Variants in MYO19 observed in about 807,000 individuals in gnomAD.
MYO19 encodes unconventional myosin-XIX.
A neutral mutation model predicts 129.2 loss-of-function variants in MYO19; 132 were observed. That is an observed-to-expected ratio of 1.02 (90% confidence interval 0.89 to 1.18). The LOEUF is 1.18. Among genes scored for constraint, MYO19 ranks in the 50% most tolerant of loss-of-function variants. The pLI is 0.00. For synonymous variants in MYO19, 531 were observed against 477.2 expected, an observed-to-expected ratio of 1.11 and a Z score of -1.47; for missense variants, 1,210 against 1,216.7, an observed-to-expected ratio of 0.99 and a Z score of 0.08.
At chr17:36,520,128 C>A (rs770578763) in intron 6 of MYO19, among the ~76,000 whole-genome samples, 1 of 152,034 alleles carries the variant, frequency 6.6e-6, no homozygotes. Context: ...GCACCTACCA[C>A]CATGCCCTGC....
Position 36,507,061 on chromosome 17 carries a change from G to A in MYO19, c.1546C>T (p.Leu516=). The A allele has an allele frequency of 6.2e-7, 1 of 1,613,684 alleles. No individual in the cohort carries two copies. The highest frequency in any genetic ancestry group is 8.5e-7 in the Non-Finnish European group (1 of 1,179,688). ...IETALAGSPC[L]GHNKLSREPS... is the part of the protein sequence containing the mutation. ...TCCCGGCTGAGCTTATTGTGGCCCA[G>A]GCAGGGGCTGCCTGCCAGGGCAGTC... The change falls in exon 17 of 26, where the codon CTG becomes TTG. Residue 516 remains leucine, a synonymous_variant. Coordinates refer to ENST00000614623, the MANE Select transcript of MYO19 (RefSeq NM_001163735.2).
chr17:36,541,196 C>T (rs1423940435), intron 2 of MYO19, among the ~76,000 whole-genome samples: 4 of 151,876 alleles, frequency 2.6e-5, no homozygotes, highest in African/African-American at 4.8e-5. Flanking sequence ...CCGCCTGCCT[C>T]GGCCTCCCAA....
Position 36,496,401 on chromosome 17 carries a change from C to T in MYO19, c.2763G>A (p.Ser921=), listed in dbSNP as rs760818047. ...VTSIRALPQG[S]IKFHCRKSPL... ...GAGACTTTCTGCAGTGAAACTTTATCGATCCCTAGAGGGGAGAGAGAGATG... is the reference window on the plus strand; with the variant it reads ...GAGACTTTCTGCAGTGAAACTTTATTGATCCCTAGAGGGGAGAGAGAGATG... The change falls in exon 26 of 26, where the codon TCG becomes TCA. Residue 921 remains serine, a synonymous_variant. Coordinates refer to ENST00000614623, the MANE Select transcript of MYO19 (RefSeq NM_001163735.2). 6.2e-6 allele frequency: 10 copies of T among 1,613,732 alleles called. No homozygotes were observed. The highest frequency in any genetic ancestry group is 1.6e-4 in the Middle Eastern group (1 of 6,082).
Position 36,496,138 on chromosome 17 carries a change from G to A in MYO19, c.*113C>T. 1 of 1,407,862 alleles carries A rather than the reference G, an allele frequency of 7.1e-7. No individual in the cohort carries two copies. The highest frequency in any genetic ancestry group is 9.8e-7 in the Non-Finnish European group (1 of 1,017,516). The allele number at this position is 1,407,862 out of a possible 1,614,324, so 87.2% of individuals were successfully genotyped here. On this transcript the variant is annotated 3_prime_UTR_variant, in exon 26 of 26. Transcript: ENST00000614623. The stretch of plus-strand genomic sequence containing the variant: ...GTCGAAGGCTGGAGCCGTCACTGTT[G>A]TTCATGTGCATTTGGAGCACTGTGG...
rs192035813 is a variant in MYO19 at position 36,529,724 on chromosome 17, A to G, written c.13-1522T>C. Among the ~76,000 whole-genome samples, 294 of 152,218 alleles carry G rather than the reference A, an allele frequency of 1.9e-3. 1 individual carries two copies. Among genetic ancestry groups the G allele is most frequent in the Admixed American group, 7.1e-3 (109 of 15,280 alleles). On this transcript the variant is annotated intron_variant, in intron 3 of 25. Coordinates refer to ENST00000614623, the MANE Select transcript of MYO19 (RefSeq NM_001163735.2). ...TTATGAAGGGGAAAAAAAAACCACC[A>G]CTACACAAACCATTCACAAACACAG... is the stretch of plus-strand genomic sequence containing the variant.
At position 36,501,078 on chromosome 17, in the gene MYO19, A is replaced by C. The variant is rs766485224; in HGVS notation, c.2238T>G (p.Thr746=). The C allele has an allele frequency of 3.1e-6, 5 of 1,611,988 alleles. No individual in the cohort carries two copies. In the South Asian group the frequency reaches 3.3e-5, roughly 11 times the overall value. Residue 746 remains threonine, a synonymous_variant, in exon 22 of 26, where the codon ACT becomes ACG. Coordinates refer to ENST00000614623, the MANE Select transcript of MYO19 (RefSeq NM_001163735.2). ...MHCGRTKVFM[T]DSMLELLECG... is the part of the protein sequence containing the mutation. Reference sequence around the variant, plus strand: ...CCCCAAACCAGCTCACCATAGAGTCAGTCATGAACACCTTGGTCCTGCCAC... The same window carrying C: ...CCCCAAACCAGCTCACCATAGAGTCCGTCATGAACACCTTGGTCCTGCCAC...
At chr17:36,538,302 CT>C (rs1360605739), upstream of MYO19, 3 of 1,613,250 alleles carry the variant, frequency 1.9e-6, no homozygotes, top group Non-Finnish European at 2.5e-6. Context: ...TGCCAAATTT[CT>C]AATTAAAGGA....
chr17:36,534,198 C>T (rs932541336), intron 1 of MYO19, 94 bp from the exon 2 acceptor site: 1 of 152,366 alleles, frequency 6.6e-6, no homozygotes, highest in African/African-American at 2.4e-5. Flanking sequence ...CAGACTGTTT[C>T]TTTCTAGGCA....
upstream of MYO19, among the ~76,000 whole-genome samples, chr17:36,536,597 C>T (rs1337805691): frequency 6.8e-6 from 1 of 145,998 alleles, no homozygotes; most frequent in South Asian, 2.2e-4. Context: ...TCACTCCAAC[C>T]TCTGCTTCCC....
intron 1 of MYO19, among the ~76,000 whole-genome samples, chr17:36,534,517 T>G (rs1056601836): frequency 1.3e-5 from 2 of 152,062 alleles, no homozygotes; most frequent in Non-Finnish European, 2.9e-5. Flanking sequence ...GGCCGCCCCC[T>G]GCCGGCCAGG....
chr17:36,508,811 A>G (rs2072105734), intron 14 of MYO19: 2 of 518,768 alleles, frequency 3.9e-6, no homozygotes, highest in Non-Finnish European at 6.9e-6. Flanking sequence ...GGGGAGGTAA[A>G]GGGCTCTTTC....
At chr17:36,544,626 G>T (rs2074227008), upstream of MYO19, among the ~76,000 whole-genome samples, 1 of 152,224 alleles carries the variant, frequency 6.6e-6, no homozygotes, top group East Asian at 1.9e-4. Flanking sequence ...TGACGTCGAG[G>T]GGCTTGCCCC....
chr17:36,495,721 T>C lies in MYO19; in HGVS notation c.*530A>G, dbSNP rs112151040. On this transcript the variant is annotated 3_prime_UTR_variant, in exon 26 of 26. Coordinates refer to ENST00000614623, the MANE Select transcript of MYO19 (RefSeq NM_001163735.2). ...ACACTTCATATGGAGTTAAACTTGGTCAGTGTTAATAAAATCAAAACGTGA... is the reference window on the plus strand; with the variant it reads ...ACACTTCATATGGAGTTAAACTTGGCCAGTGTTAATAAAATCAAAACGTGA... 4.0e-6 allele frequency: 5 copies of C among 1,249,908 alleles called. No homozygotes were observed. Among genetic ancestry groups the C allele is most frequent in the Non-Finnish European group, 5.0e-6 (5 of 998,644 alleles). 77.4% of individuals were successfully genotyped at this position (1,249,908 alleles called of 1,614,324 possible).
Position 36,496,381 on chromosome 17 carries a change from T to C in MYO19, c.2783A>G (p.Lys928Arg). 1 of 1,613,996 alleles carries C rather than the reference T, an allele frequency of 6.2e-7. No individual in the cohort carries two copies. Among genetic ancestry groups the C allele is most frequent in the Non-Finnish European group, 8.5e-7 (1 of 1,179,888 alleles). Residue 928 changes from lysine to arginine, a missense_variant, in exon 26 of 26, where the codon AAG becomes AGG. Physicochemically the swap from Lys to Arg is conservative, Grantham distance 26. Transcript: ENST00000614623. ...PQGSIKFHCR[K>R]SPLRYADICP... ...GATGTCAGCATACCGCAGTGGAGAC[T>C]TTCTGCAGTGAAACTTTATCGATCC...
At chr17:36,503,871 G>A in intron 20 of MYO19, 79 bp downstream of exon 20, 1 of 1,197,440 alleles carries the variant, frequency 8.4e-7, no homozygotes, top group Non-Finnish European at 1.1e-6. Context: ...ACTCTGGGTT[G>A]GGCAGGCTCT....
intron 11 of MYO19, among the ~76,000 whole-genome samples, chr17:36,512,178 C>T (rs1296928531): frequency 2.0e-5 from 3 of 147,048 alleles, no homozygotes; most frequent in South Asian, 4.4e-4. Context: ...TGGTGAACCT[C>T]CATCTCTACT....
rs964980110 is a variant in MYO19, at chr17:36,501,205, A to T, written c.2111T>A (p.Leu704His). 4 of 1,613,606 alleles carry T rather than the reference A, an allele frequency of 2.5e-6. No homozygotes were observed. Among genetic ancestry groups the T allele is most frequent in the Non-Finnish European group, 3.4e-6 (4 of 1,179,720 alleles). Residue 704 changes from leucine (L) to histidine (H), a missense_variant, in exon 22 of 26, where the codon CTT (leucine) becomes CAT (histidine). By Grantham distance (99) the Leu-to-His change is moderately conservative (BLOSUM62 -3). Coordinates refer to ENST00000614623, the MANE Select transcript of MYO19 (RefSeq NM_001163735.2). ...GAGAATGTCCTGGATGAGAGGTTCA[A>T]GCGTGGCTTCCTCGCTGTGTGGACA... ...EWCPHSEEATLEPLIQDILHT... is the reference protein window; with the variant it reads ...EWCPHSEEATHEPLIQDILHT...
intron 23 of MYO19, 78 bp from the exon 24 acceptor site, chr17:36,499,238 CCA>C: frequency 2.0e-6 from 2 of 998,382 alleles, no homozygotes; most frequent in African/African-American, 3.3e-5. Context: ...TGCAGCAGCA[CCA>C]CAGTTGCTGT....
chr17:36,498,903 G>A, intron 24 of MYO19, 172 bp downstream of exon 24: 2 of 610,120 alleles, frequency 3.3e-6, no homozygotes, highest in Non-Finnish European at 5.8e-6. Flanking sequence ...CCACCCTGCA[G>A]GGTAGGTGTT....
Sources: gnomAD v4.1 joint callset for allele counts (sites outside exome capture counted in the v4.1 genomes callset) on GRCh38, gnomAD v4.1.1 for gene constraint, MANE v1.5 for transcripts, NCBI Gene and HGNC (gene_info 2026-07-23, HGNC 2026-07-21) for gene names.